GRK3: variants seen among roughly 807,000 people sequenced by gnomAD.
The protein encoded by GRK3 is adrenergic, beta, receptor kinase 2.
Under a neutral mutation model 95.7 loss-of-function variants are expected in GRK3, and 54 were observed. That is an observed-to-expected ratio of 0.56 (90% CI 0.45 to 0.71). The LOEUF is 0.71. Among genes scored for constraint, GRK3 ranks in the 30% least tolerant of loss-of-function variants. GRK3 has a pLI of 0.00. For synonymous variants in GRK3, 281 were observed against 290.8 expected, an observed-to-expected ratio of 0.97 and a Z score of 0.34; for missense variants, 649 against 851.2, an observed-to-expected ratio of 0.76 and a Z score of 2.96.
At chr22:25,619,283 A>C (rs908470180) in intron 2 of GRK3, among the ~76,000 whole-genome samples, 1 of 152,190 alleles carries the variant, frequency 6.6e-6, no homozygotes, top group Non-Finnish European at 1.5e-5. Context: ...CTTGGTGCTC[A>C]GTGCTCTACA....
intron 2 of GRK3, among the ~76,000 whole-genome samples, chr22:25,630,694 C>A (rs1200853631): frequency 6.6e-6 from 1 of 152,176 alleles, no homozygotes; most frequent in Non-Finnish European, 1.5e-5. Flanking sequence ...TGGCCACATT[C>A]ATTTCCATTT....
intron 2 of GRK3, among the ~76,000 whole-genome samples, chr22:25,621,772 G>C (rs1462375638): frequency 1.3e-5 from 2 of 152,164 alleles, no homozygotes; most frequent in African/African-American, 2.4e-5. Context: ...TCAAATACCT[G>C]TGAGTTGGGT....
chr22:25,630,145 A>G (rs145291462), intron 2 of GRK3, among the ~76,000 whole-genome samples: 5 of 152,284 alleles, frequency 3.3e-5, no homozygotes, highest in African/African-American at 7.2e-5. Flanking sequence ...AAGCAAACTC[A>G]TGTGTATCGA....
At chr22:25,691,676 A>G (rs1037734580) in intron 12 of GRK3, among the ~76,000 whole-genome samples, 1 of 152,234 alleles carries the variant, frequency 6.6e-6, no homozygotes, top group African/African-American at 2.4e-5. Flanking sequence ...TAATTTTTTC[A>G]GTTTAGTATA....
chr22:25,666,172 T>C (rs1173351945), intron 5 of GRK3, among the ~76,000 whole-genome samples: 1 of 152,212 alleles, frequency 6.6e-6, no homozygotes, highest in Non-Finnish European at 1.5e-5. Flanking sequence ...AGATTCTACG[T>C]AGTCTTAGGA....
intron 1 of GRK3, among the ~76,000 whole-genome samples, chr22:25,569,120 C>T (rs1234594548): frequency 1.3e-5 from 2 of 152,206 alleles, no homozygotes; most frequent in Non-Finnish European, 2.9e-5. Flanking sequence ...TCTTCACTGT[C>T]CTGTGCTCAT....
chr22:25,667,830 AT>A (rs777780661), intron 6 of GRK3, 30 bp downstream of exon 6: 4 of 1,308,604 alleles, frequency 3.1e-6, no homozygotes, highest in Non-Finnish European at 2.2e-6. Context: ...TATATACACA[AT>A]TTTTTATCAT....
chr22:25,593,287 T>A (rs550926639), intron 1 of GRK3, among the ~76,000 whole-genome samples: 1 of 152,296 alleles, frequency 6.6e-6, no homozygotes, highest in African/African-American at 2.4e-5. Flanking sequence ...TGAATTAATT[T>A]ACATTCCCAC....
intron 3 of GRK3, chr22:25,649,032 G>A (rs1339844179): frequency 3.7e-6 from 5 of 1,340,178 alleles, no homozygotes; most frequent in Non-Finnish European, 5.4e-6. Flanking sequence ...TCCAGGTATG[G>A]TGAACCATGA....
At chr22:25,620,238 C>T (rs913980234) in intron 2 of GRK3, among the ~76,000 whole-genome samples, 1 of 152,028 alleles carries the variant, frequency 6.6e-6, no homozygotes, top group Admixed American at 6.6e-5. Context: ...GCACAGGGCT[C>T]GGGATTGGTT....
intron 13 of GRK3, chr22:25,702,962 T>G (rs2085270036): frequency 2.2e-6 from 1 of 450,916 alleles, no homozygotes; most frequent in Non-Finnish European, 4.5e-6. Flanking sequence ...CAGGAAGCGC[T>G]CAGAGCTGTG....
intron 20 of GRK3, 144 bp from the exon 21 acceptor site, chr22:25,722,145 C>G: frequency 1.2e-6 from 1 of 839,446 alleles, no homozygotes; most frequent in Non-Finnish European, 1.9e-6. Context: ...CGTGACCCAT[C>G]AGCTAGTAAT....
intron 1 of GRK3, among the ~76,000 whole-genome samples, chr22:25,603,696 G>T (rs1033552942): frequency 1.3e-5 from 2 of 152,090 alleles, no homozygotes; most frequent in African/African-American, 4.8e-5. Flanking sequence ...ATAAATTTGG[G>T]TAGACTTCAA....
intron 18 of GRK3, 146 bp downstream of exon 18, chr22:25,714,716 G>C (rs2085369912): frequency 4.1e-6 from 3 of 736,418 alleles, no homozygotes; most frequent in Non-Finnish European, 6.5e-6. Context: ...GCTCTGGCTT[G>C]GAAGAGCTCA....
Position 25,714,498 on chromosome 22 carries a change from G to A in GRK3, c.1582G>A (p.Ala528Thr). 1 of 1,613,862 alleles carries A rather than the reference G, an allele frequency of 6.2e-7. No individual in the cohort carries two copies. Among genetic ancestry groups the A allele is most frequent in the Non-Finnish European group, 8.5e-7 (1 of 1,179,904 alleles). ...AGAAGTAACGGAAACAGTTTATGAA[G>A]CAGTAAATGCAGACACAGATAAAAT... The part of the protein sequence containing the change: ...QQEVTETVYE[A>T]VNADTDKIEA... Residue 528 changes from alanine (A) to threonine (T), a missense_variant, in exon 18 of 21, where the codon GCA (alanine) becomes ACA (threonine). Physicochemically the swap from Ala to Thr is moderately conservative, Grantham distance 58. Coordinates refer to ENST00000324198, the MANE Select transcript of GRK3 (RefSeq NM_005160.4).
intron 9 of GRK3, among the ~76,000 whole-genome samples, chr22:25,684,284 C>T (rs1217814329): frequency 6.6e-6 from 1 of 152,174 alleles, no homozygotes; most frequent in Non-Finnish European, 1.5e-5. Flanking sequence ...GATATCTGGT[C>T]CTGTAAGTTT....
intron 2 of GRK3, among the ~76,000 whole-genome samples, chr22:25,612,715 A>G (rs933409425): frequency 7.2e-5 from 11 of 152,162 alleles, no homozygotes; most frequent in Admixed American, 3.3e-4. Flanking sequence ...TTACCTAGAA[A>G]TAATACATAA....
At chr22:25,647,482 G>T in intron 3 of GRK3, 1 of 1,358,008 alleles carries the variant, frequency 7.4e-7, no homozygotes, top group Non-Finnish European at 1.1e-6. Flanking sequence ...TTGGAGGTGG[G>T]CATCTTCCTC....
chr22:25,709,272 C>T (rs1344900987), intron 15 of GRK3, among the ~76,000 whole-genome samples: 1 of 151,428 alleles, frequency 6.6e-6, no homozygotes, highest in Non-Finnish European at 1.5e-5. Flanking sequence ...CTCCTGACCT[C>T]GTGATCTGCC....
Sources: gnomAD v4.1 joint callset for allele counts (sites outside exome capture counted in the v4.1 genomes callset) on GRCh38, gnomAD v4.1.1 for gene constraint, MANE v1.5 for transcripts, NCBI Gene and HGNC (gene_info 2026-07-23, HGNC 2026-07-21) for gene names.